The following TMPO variants were observed in gnomAD, a reference collection of about 807,000 sequenced individuals.
TMPO encodes the protein LEM domain containing 4.
In TMPO, 22 loss-of-function variants were observed where a neutral mutation model predicts 45.4. That is an observed-to-expected ratio of 0.48 (90% CI 0.35 to 0.69). The LOEUF (loss-of-function observed/expected upper bound fraction) is 0.69. Ranked by LOEUF, TMPO falls within the 30% of genes least tolerant of loss-of-function variation. The probability of loss-of-function intolerance (pLI) is 0.01; values close to 1 mark genes in which losing one functional copy is unlikely to be tolerated. For missense variants in TMPO, 512 were observed against 548.8 expected, an observed-to-expected ratio of 0.93 and a Z score of 0.67; for synonymous variants, 241 against 204.1, an observed-to-expected ratio of 1.18 and a Z score of -1.54.
At chr12:98,516,354 C>T in intron 1 of TMPO, 2 of 1,219,914 alleles carry the variant, frequency 1.6e-6, no homozygotes, top group Non-Finnish European at 2.0e-6. Context: ...GGTTCGCGTT[C>T]TTTGACGTGT....
At chr12:98,536,705 A>AATTTAAG (rs1245377242) in intron 3 of TMPO, among the ~76,000 whole-genome samples, 5 of 152,344 alleles carry the variant, frequency 3.3e-5, no homozygotes, top group Non-Finnish European at 1.5e-5. Flanking sequence ...AATGATGATG[A>AATTTAAG]ATTTAAGACT....
intron 4 of TMPO, among the ~76,000 whole-genome samples, chr12:98,542,467 T>TC (rs57920907): frequency 1.3e-5 from 2 of 151,284 alleles, no homozygotes; most frequent in Non-Finnish European, 3.0e-5. Flanking sequence ...TTTTTTTTTT[T>TC]AAAGCTCTCC....
chr12:98,516,207 C>A (rs1875792726), intron 1 of TMPO, 61 bp downstream of exon 1: 4 of 1,317,642 alleles, frequency 3.0e-6, no homozygotes, highest in Non-Finnish European at 3.8e-6. Flanking sequence ...GCGCGCTCGC[C>A]GCCGTTTGCA....
Position 98,547,691 on chromosome 12 carries a change from G to C in TMPO, c.1198G>C (p.Val400Leu). 1.2e-6 allele frequency: 2 copies of C among 1,614,192 alleles called. No homozygotes were observed. The highest frequency in any genetic ancestry group is 1.7e-6 in the Non-Finnish European group (2 of 1,180,038). Residue 400 changes from valine to leucine, a missense_variant, in exon 9 of 9, where the codon GTC (valine) becomes CTC (leucine). Val to Leu is a conservative substitution (Grantham distance 32, BLOSUM62 1). Around this residue, in one of 3 missense-constraint regions of TMPO, gnomAD observed 209 missense variants for 235.1 expected, o/e 0.89. Transcript: ENST00000556029. ...TCCTAAGTATGTTCCCTTGGCAGAT[G>C]TCAAGTCAGAAAAGACAAAAAAGGG... ...YVPKYVPLAD[V>L]KSEKTKKGRS...
rs149166456 is a variant in TMPO, at chr12:98,547,074, C to T, written c.1080-499C>T. On this transcript the variant is annotated intron_variant, in intron 8 of 8. Coordinates refer to ENST00000556029, the MANE Select transcript of TMPO (RefSeq NM_001032283.3). ...TATTCTTTTCTAATAAAGGATGCAT[C>T]GAACTTTTTTTTTTTTTTTGAGACG... Among the ~76,000 whole-genome samples, 68 of 129,364 alleles carry T rather than the reference C, an allele frequency of 5.3e-4. 3 individuals carry two copies. The East Asian group carries it at 0.014, about 27-fold the overall frequency. The allele number at this position is 129,364 out of a possible 152,430, so 84.9% of individuals were successfully genotyped here.
intron 7 of TMPO, 55 bp downstream of exon 7, chr12:98,545,116 T>C (rs572058041): frequency 2.7e-4 from 302 of 1,123,628 alleles, no homozygotes; most frequent in Admixed American, 5.7e-4. Context: ...AGAGGAAATA[T>C]AAATATTTGT....
Position 98,522,710 on chromosome 12 carries a change from C to T in TMPO, c.280-5176C>T, listed in dbSNP as rs554604492. 1.2e-3 allele frequency among the ~76,000 whole-genome samples: 190 copies of T among 152,170 alleles called. 1 individual carries two copies. The highest frequency in any genetic ancestry group is 4.2e-3 in the African/African-American group (176 of 41,512). On this transcript the variant is annotated intron_variant, in intron 1 of 8. Transcript: ENST00000556029. ...GTTACTAAAATATAATTTTGGGAAA[C>T]GAATAAGGTAGATAAGTGAAAGTGA... is the stretch of plus-strand genomic sequence containing the variant.
intron 6 of TMPO, 35 bp from the exon 7 acceptor site, chr12:98,544,916 A>G (rs777733400): frequency 3.3e-5 from 47 of 1,415,856 alleles, no homozygotes; most frequent in South Asian, 2.3e-5. Flanking sequence ...TTATGTTTGG[A>G]TAATTCTGAG....
chr12:98,533,583 A>G (rs1258890181), intron 3 of TMPO: 1 of 1,614,218 alleles, frequency 6.2e-7, no homozygotes, highest in South Asian at 1.1e-5. Context: ...AAAGGGATTC[A>G]GGTTCCTTTG....
chr12:98,516,386 G>T (rs1050797894), intron 1 of TMPO: 1 of 1,197,190 alleles, frequency 8.4e-7, no homozygotes, highest in Admixed American at 4.5e-5. Flanking sequence ...GTGTGGAGTT[G>T]CGTTGGCGGC....
chr12:98,531,900 C>A, intron 3 of TMPO, 62 bp downstream of exon 3: 2 of 1,431,204 alleles, frequency 1.4e-6, no homozygotes, highest in Admixed American at 2.0e-5. Flanking sequence ...AATTCAGTGA[C>A]CATGAAGAAA....
chr12:98,525,069 C>A (rs1192856148), intron 1 of TMPO, among the ~76,000 whole-genome samples: 2 of 152,154 alleles, frequency 1.3e-5, no homozygotes, highest in East Asian at 3.8e-4. Flanking sequence ...TTTAGTTTTT[C>A]TGTACTACCT....
At chr12:98,535,457 A>T in intron 3 of TMPO, 5 of 985,382 alleles carry the variant, frequency 5.1e-6, no homozygotes, top group Non-Finnish European at 6.0e-6. Flanking sequence ...CCCTCTGGCC[A>T]TTACCACATT....
chr12:98,531,731 G>C lies in TMPO; in HGVS notation c.458G>C (p.Gly153Ala). 6.2e-7 allele frequency: 1 copy of C among 1,613,378 alleles called. No homozygotes were observed. Among genetic ancestry groups the C allele is most frequent in the East Asian group, 2.2e-5 (1 of 44,830 alleles). Reference sequence around the variant, plus strand: ...AAGCTTTTGAAACTGAGGGAACAAGGAACAGAATCAAGATCTTCTACTCCT... The same window carrying C: ...AAGCTTTTGAAACTGAGGGAACAAGCAACAGAATCAAGATCTTCTACTCCT... ...EKKLLKLREQGTESRSSTPLP... is the reference protein window; with the variant it reads ...EKKLLKLREQATESRSSTPLP... Residue 153 changes from glycine to alanine, a missense_variant, in exon 3 of 9, where the codon GGA becomes GCA. This residue lies in a region of TMPO where 299 missense variants were observed against 296.7 expected (regional missense o/e 1.01). Transcript: ENST00000556029.
intron 1 of TMPO, among the ~76,000 whole-genome samples, chr12:98,519,955 TC>T (rs1476707494): frequency 6.6e-6 from 1 of 152,110 alleles, no homozygotes; most frequent in Non-Finnish European, 1.5e-5. Context: ...TTTCTTTCTT[TC>T]TTTTTTTCTT....
intron 3 of TMPO, chr12:98,534,775 CAG>C (rs1281780267): frequency 2.0e-6 from 2 of 1,010,128 alleles, no homozygotes; most frequent in Non-Finnish European, 2.4e-6. Context: ...ACTTTTATCT[CAG>C]TATCTTTTCA....
intron 3 of TMPO, chr12:98,532,800 TC>T: frequency 1.2e-6 from 2 of 1,614,134 alleles, no homozygotes; most frequent in Non-Finnish European, 1.7e-6. Context: ...TGCTTAAACT[TC>T]CTGCCTCTTT....
intron 3 of TMPO, 28 bp downstream of exon 3, chr12:98,531,866 T>C (rs2121197025): frequency 5.0e-6 from 8 of 1,597,162 alleles, no homozygotes; most frequent in Non-Finnish European, 6.8e-6. Context: ...GTTAATCAAA[T>C]GTATGGAATT....
intron 1 of TMPO, 131 bp from the exon 2 acceptor site, chr12:98,527,750 TTAATG>T (rs1427512852): frequency 2.7e-5 from 25 of 919,126 alleles, no homozygotes; most frequent in Middle Eastern, 3.3e-4. Flanking sequence ...TGCTCTTAAT[TTAATG>T]GAATTGCTAA....
Sources: gnomAD v4.1 joint callset for allele counts (sites outside exome capture counted in the v4.1 genomes callset) on GRCh38, gnomAD v4.1.1 for gene constraint, gnomAD v4.1.1 regional missense constraint, MANE v1.5 for transcripts, NCBI Gene and HGNC (gene_info 2026-07-23, HGNC 2026-07-21) for gene names.